Variants in AKAP6 observed in about 807,000 individuals in gnomAD.
The protein encoded by AKAP6 is A-kinase anchor protein 6.
In AKAP6, 58 loss-of-function variants were observed where a neutral mutation model predicts 188.5. That is an observed-to-expected ratio of 0.31 (90% CI 0.25 to 0.38). The LOEUF is 0.38. Ranked by LOEUF, AKAP6 falls within the 10% of genes least tolerant of loss-of-function variation. The pLI is 1.00. For synonymous variants in AKAP6, 989 were observed against 998.6 expected (o/e 0.99, Z 0.18); for missense variants, 2,710 against 2,740.0 (o/e 0.99, Z 0.24).
chr14:32,375,370 A>G (rs7149078), intron 1 of AKAP6, among the ~76,000 whole-genome samples: 87,228 of 151,966 alleles, frequency 0.57, 27,184 homozygotes, highest in Non-Finnish European at 0.7. Context: ...CATTTCAGGT[A>G]CACATGTTCA....
chr14:32,516,050 A>C (rs530033496), intron 2 of AKAP6, among the ~76,000 whole-genome samples: 90 of 152,330 alleles, frequency 5.9e-4, no homozygotes, highest in African/African-American at 2.1e-3. Context: ...TGTGACCTAC[A>C]GTAGTTACAT....
chr14:32,504,939 G>A lies in AKAP6; in HGVS notation c.325-30615G>A, dbSNP rs111824550. ...GTCTTCTGAAATCAGACAGGAAAGC[G>A]TGACAACAGAACCAATTGATGGCTT... On this transcript the variant is annotated intron_variant, in intron 2 of 13. Transcript: ENST00000280979. Among the ~76,000 whole-genome samples, 407 of 152,292 alleles carry A rather than the reference G, an allele frequency of 2.7e-3. 3 individuals are homozygous for A. The highest frequency in any genetic ancestry group is 9.3e-3 in the African/African-American group (386 of 41,564).
intron 7 of AKAP6, among the ~76,000 whole-genome samples, chr14:32,623,910 A>G (rs1228681021): frequency 6.6e-6 from 1 of 152,130 alleles, no homozygotes; most frequent in Non-Finnish European, 1.5e-5. Flanking sequence ...TCATGGAAGC[A>G]TGGAAACCCT....
chr14:32,496,440 C>T (rs773170860), intron 2 of AKAP6, among the ~76,000 whole-genome samples: 19 of 151,904 alleles, frequency 1.3e-4, no homozygotes, highest in Non-Finnish European at 2.1e-4. Context: ...TATATGATCA[C>T]ATGAAGCCCT....
rs1375185023 is a variant in AKAP6, at chr14:32,824,534, A to G, written c.6721A>G (p.Asn2241Asp). The G allele has an allele frequency of 1.2e-6, 2 of 1,613,828 alleles. No individual in the cohort carries two copies. Among genetic ancestry groups the G allele is most frequent in the Non-Finnish European group, 8.5e-7 (1 of 1,179,948 alleles). The change falls in exon 13 of 14, where the codon AAC (asparagine) becomes GAC (aspartate). Residue 2241 changes from asparagine (N) to aspartate (D), a missense_variant. Around this residue, in one of 2 missense-constraint regions of AKAP6, gnomAD observed 2,473 missense variants for 2,426.1 expected, o/e 1.02. Coordinates refer to ENST00000280979, the MANE Select transcript of AKAP6 (RefSeq NM_004274.5). ...CCAAACTTCCAGTGGCTGTGCAGAA[A>G]ACTTAGAGTTTACTCCTTCAAAGCT... Reference protein sequence around the residue: ...LPQTSSGCAENLEFTPSKLDS... With the variant: ...LPQTSSGCAEDLEFTPSKLDS...
At chr14:32,379,732 C>T (rs2138546460) in intron 1 of AKAP6, among the ~76,000 whole-genome samples, 1 of 152,292 alleles carries the variant, frequency 6.6e-6, no homozygotes, top group South Asian at 2.1e-4. Context: ...CACTTTAGAA[C>T]TGAGCTCAGC....
intron 1 of AKAP6, among the ~76,000 whole-genome samples, chr14:32,348,020 C>T (rs532083221): frequency 6.6e-6 from 1 of 152,330 alleles, no homozygotes; most frequent in East Asian, 1.9e-4. Context: ...TGTGTAGCCA[C>T]ATGGACCCTG....
chr14:32,648,024 A>G (rs551973253), intron 7 of AKAP6, among the ~76,000 whole-genome samples: 25 of 152,228 alleles, frequency 1.6e-4, no homozygotes, highest in Non-Finnish European at 2.8e-4. Context: ...TCTTTAGATC[A>G]GTATAATTCC....
intron 12 of AKAP6, among the ~76,000 whole-genome samples, chr14:32,789,216 T>C (rs753235112): frequency 3.9e-5 from 6 of 152,172 alleles, no homozygotes; most frequent in Non-Finnish European, 8.8e-5. Context: ...GACAGAGCTC[T>C]GATCTCTCCC....
At chr14:32,410,897 A>C (rs1324274614) in intron 1 of AKAP6, among the ~76,000 whole-genome samples, 1 of 152,186 alleles carries the variant, frequency 6.6e-6, no homozygotes, top group African/African-American at 2.4e-5. Context: ...AAATCACACT[A>C]TGCTTTTTAA....
chr14:32,782,643 C>T (rs962990861), intron 12 of AKAP6, among the ~76,000 whole-genome samples: 5 of 151,950 alleles, frequency 3.3e-5, no homozygotes, highest in African/African-American at 1.2e-4. Flanking sequence ...TTTAAACATT[C>T]AATTTATAAT....
At chr14:32,390,553 AG>A (rs1002345732) in intron 1 of AKAP6, among the ~76,000 whole-genome samples, 3 of 152,110 alleles carry the variant, frequency 2.0e-5, no homozygotes, top group Admixed American at 6.6e-5. Context: ...CCCTTGATGT[AG>A]TACTCTCCCC....
At chr14:32,750,733 TTTTG>T (rs2032093077) in intron 11 of AKAP6, among the ~76,000 whole-genome samples, 1 of 86,898 alleles carries the variant, frequency 1.2e-5, no homozygotes, top group Non-Finnish European at 2.9e-5. Context: ...ACTAAATTAA[TTTTG>T]TTTTTTTTTT....
intron 1 of AKAP6, among the ~76,000 whole-genome samples, chr14:32,394,470 G>C (rs907528160): frequency 6.6e-6 from 1 of 152,158 alleles, no homozygotes; most frequent in Non-Finnish European, 1.5e-5. Context: ...GAACATCAGT[G>C]TCAGAGTCTC....
At chr14:32,353,253 A>G (rs1043118419) in intron 1 of AKAP6, among the ~76,000 whole-genome samples, 2 of 152,126 alleles carry the variant, frequency 1.3e-5, no homozygotes, top group Non-Finnish European at 2.9e-5. Context: ...TAGAAAGAGG[A>G]AAAATATTGT....
chr14:32,731,250 G>A (rs2031161668), intron 9 of AKAP6, among the ~76,000 whole-genome samples: 1 of 152,146 alleles, frequency 6.6e-6, no homozygotes, highest in South Asian at 2.1e-4. Flanking sequence ...GCACGCAAAT[G>A]CTGAAGATCT....
chr14:32,779,678 T>A (rs765707643), intron 12 of AKAP6, among the ~76,000 whole-genome samples: 1 of 152,068 alleles, frequency 6.6e-6, no homozygotes, highest in Admixed American at 6.5e-5. Context: ...AAGCAAAAAT[T>A]GATACAACTG....
At chr14:32,790,179 A>G (rs1386296400) in intron 12 of AKAP6, among the ~76,000 whole-genome samples, 1 of 152,210 alleles carries the variant, frequency 6.6e-6, no homozygotes, top group Non-Finnish European at 1.5e-5. Context: ...GGGAAAAAGA[A>G]CAAAAAGGAA....
chr14:32,729,341 T>G (rs941649717), intron 9 of AKAP6, among the ~76,000 whole-genome samples: 1 of 152,140 alleles, frequency 6.6e-6, no homozygotes, highest in African/African-American at 2.4e-5. Flanking sequence ...AAAAGTTATC[T>G]CAATCAAGTC....
Sources: allele counts gnomAD v4.1 joint callset (sites outside exome capture counted in the v4.1 genomes callset), GRCh38; gene constraint gnomAD v4.1.1; regional missense constraint gnomAD v4.1.1; transcripts MANE v1.5; gene names NCBI Gene and HGNC (gene_info 2026-07-23, HGNC 2026-07-21).